The following DMD variants were observed in gnomAD, a reference collection of about 807,000 sequenced individuals.
DMD encodes the protein mutant dystrophin.
Under a neutral mutation model 330.1 loss-of-function variants are expected in DMD, and 63 were observed. That is an observed-to-expected ratio of 0.19 (90% CI 0.16 to 0.24). DMD has a LOEUF of 0.24. Among genes scored for constraint, DMD ranks in the 10% least tolerant of loss-of-function variants. DMD has a pLI of 1.00. For synonymous variants in DMD, 1,223 were observed against 959.8 expected (o/e 1.27, Z -5.07); for missense variants, 3,344 against 2,684.1 (o/e 1.25, Z -5.43).
intron 59 of DMD, among the ~76,000 whole-genome samples, chrX:31,461,443 G>A (rs2066520201): frequency 9.0e-6 from 1 of 111,632 alleles, no homozygotes; most frequent in Non-Finnish European, 1.9e-5. Context: ...TGATTCTGAT[G>A]TATGCTGAGG....
At chrX:33,303,784 A>T (rs1385213935) in intron 1 of DMD, among the ~76,000 whole-genome samples, 1 of 111,589 alleles carries the variant, frequency 9.0e-6, no homozygotes, top group African/African-American at 3.3e-5. Flanking sequence ...AAGTTTCCTG[A>T]GGCCTCCCCA....
At chrX:32,215,020 G>A (rs55686834) in intron 44 of DMD, among the ~76,000 whole-genome samples, 14,261 of 111,031 alleles carry the variant, frequency 0.13, 943 homozygotes, top group East Asian at 0.45. Context: ...AGTAAAGACT[G>A]AACATGTTGA....
chrX:32,649,825 T>A (rs2060026412), intron 9 of DMD, among the ~76,000 whole-genome samples: 1 of 110,894 alleles, frequency 9.0e-6, no homozygotes, highest in Non-Finnish European at 1.9e-5. Flanking sequence ...TGATCTTGGG[T>A]ATTTAACCTC....
chrX:32,688,317 C>T (rs1255438539), intron 9 of DMD, among the ~76,000 whole-genome samples: 1 of 112,137 alleles, frequency 8.9e-6, no homozygotes, highest in Admixed American at 9.5e-5. Context: ...ACAAAAAAGT[C>T]ATTTTCTAGA....
At chrX:31,700,965 CCAAATGTAG>C (rs2148863514) in intron 52 of DMD, among the ~76,000 whole-genome samples, 2 of 111,616 alleles carry the variant, frequency 1.8e-5, no homozygotes, top group South Asian at 7.5e-4. Flanking sequence ...TAATTAAGTG[CCAAATGTAG>C]CAAATAAAGT....
intron 50 of DMD, among the ~76,000 whole-genome samples, chrX:31,797,641 T>G (rs1240465084): frequency 8.9e-6 from 1 of 112,040 alleles, no homozygotes; most frequent in Non-Finnish European, 1.9e-5. Context: ...CAAACTATAG[T>G]AAGAAAGACA....
intron 1 of DMD, among the ~76,000 whole-genome samples, chrX:33,192,623 A>T: frequency 8.9e-6 from 1 of 112,383 alleles, no homozygotes; most frequent in Non-Finnish European, 1.9e-5. Context: ...ATCAGTTTTC[A>T]AATTTAAGCC....
chrX:33,116,728 T>C (rs911057784), intron 1 of DMD, among the ~76,000 whole-genome samples: 10 of 111,420 alleles, frequency 9.0e-5, no homozygotes, highest in African/African-American at 2.3e-4. Context: ...AGGACTTGAA[T>C]TGAATTTTTG....
At chrX:32,105,209 G>A (rs1255115569) in intron 44 of DMD, among the ~76,000 whole-genome samples, 2 of 111,469 alleles carry the variant, frequency 1.8e-5, no homozygotes, top group African/African-American at 6.5e-5. Context: ...TATTCCAGCA[G>A]AAACAGAAAT....
intron 1 of DMD, among the ~76,000 whole-genome samples, chrX:33,038,659 G>T (rs73452007): frequency 0.021 from 2,299 of 111,730 alleles, 55 homozygotes; most frequent in African/African-American, 0.069. Context: ...TGTGACAGTA[G>T]ATATGTGAAT....
At chrX:33,159,610 C>G (rs1462640198) in intron 1 of DMD, 2 of 111,888 alleles carry the variant, frequency 1.8e-5, no homozygotes, top group Admixed American at 1.9e-4. Context: ...GCAAAGGACA[C>G]GAACACATCT....
chrX:32,508,880 G>A (rs1318596242), intron 18 of DMD, among the ~76,000 whole-genome samples: 1 of 109,341 alleles, frequency 9.1e-6, no homozygotes, highest in African/African-American at 3.3e-5. Context: ...GCGCAATCTT[G>A]GCTCACTGCA....
intron 9 of DMD, among the ~76,000 whole-genome samples, chrX:32,677,839 C>T (rs1229702007): frequency 9.0e-6 from 1 of 111,413 alleles, no homozygotes; most frequent in African/African-American, 3.3e-5. Context: ...AAAATAGTCA[C>T]GATGTGGGAA....
At chrX:32,392,686 T>C (rs2098012508) in intron 30 of DMD, among the ~76,000 whole-genome samples, 1 of 112,626 alleles carries the variant, frequency 8.9e-6, no homozygotes, top group Non-Finnish European at 1.9e-5. Context: ...ACTCTTTGAC[T>C]GCTTTGACCA....
At chrX:32,958,181 T>G (rs183054043) in intron 2 of DMD, among the ~76,000 whole-genome samples, 167 of 111,563 alleles carry the variant, frequency 1.5e-3, no homozygotes, top group African/African-American at 5.2e-3. Flanking sequence ...CAAGTGGTGA[T>G]CTGAGTGGTA....
At chrX:32,251,472 C>A (rs1010852114) in intron 43 of DMD, among the ~76,000 whole-genome samples, 2 of 111,324 alleles carry the variant, frequency 1.8e-5, no homozygotes, top group Admixed American at 1.9e-4. Flanking sequence ...GGGATCATCC[C>A]TGACACTTCA....
intron 64 of DMD, among the ~76,000 whole-genome samples, chrX:31,214,290 C>A (rs1459466787): frequency 8.9e-6 from 1 of 111,899 alleles, no homozygotes; most frequent in Non-Finnish European, 1.9e-5. Context: ...TGAACTGGGG[C>A]TACAATTAAG....
intron 44 of DMD, among the ~76,000 whole-genome samples, chrX:32,147,133 G>T (rs1383342650): frequency 9.0e-6 from 1 of 111,538 alleles, no homozygotes; most frequent in Non-Finnish European, 1.9e-5. Flanking sequence ...CCACCATGCA[G>T]ATCCCAGCAA....
At chrX:32,938,593 C>A (rs1348714819) in intron 2 of DMD, among the ~76,000 whole-genome samples, 1 of 111,828 alleles carries the variant, frequency 8.9e-6, no homozygotes, top group East Asian at 2.8e-4. Context: ...CTACCAACCC[C>A]AGTTACTGTA....
Sources: allele counts gnomAD v4.1 joint callset (sites outside exome capture counted in the v4.1 genomes callset), GRCh38; gene constraint gnomAD v4.1.1; transcripts MANE v1.5; gene names NCBI Gene and HGNC (gene_info 2026-07-23, HGNC 2026-07-21).